The following COBL variants were observed in gnomAD, a reference collection of about 807,000 sequenced individuals.
The protein encoded by COBL is cordon-bleu WH2 repeat protein.
In COBL, 51 loss-of-function variants were observed where a neutral mutation model predicts 98.8. The ratio of observed to expected loss-of-function variants is 0.52; its 90% CI spans 0.41 to 0.65. COBL has a LOEUF of 0.65. Ranked by LOEUF, COBL falls within the 30% of genes least tolerant of loss-of-function variation. The pLI, the probability that COBL is intolerant of heterozygous loss-of-function variation, is 0.00. For missense variants in COBL, 1,617 were observed against 1,617.5 expected (o/e 1.00, Z 0.01); for synonymous variants, 634 against 651.7 (o/e 0.97, Z 0.41).
At chr7:51,146,477 C>T (rs1202211342) in intron 5 of COBL, among the ~76,000 whole-genome samples, 1 of 152,160 alleles carries the variant, frequency 6.6e-6, no homozygotes, top group Non-Finnish European at 1.5e-5. Context: ...TCTTGGCAAT[C>T]TTGTCATTTA....
chr7:51,265,350 G>A (rs1293252536), intron 1 of COBL, among the ~76,000 whole-genome samples: 2 of 152,098 alleles, frequency 1.3e-5, no homozygotes, highest in Non-Finnish European at 2.9e-5. Context: ...CAGAGCAGGG[G>A]CTGTTCCCCA....
intron 1 of COBL, among the ~76,000 whole-genome samples, chr7:51,252,453 T>C (rs1256788125): frequency 6.6e-6 from 1 of 152,198 alleles, no homozygotes; most frequent in Non-Finnish European, 1.5e-5. Flanking sequence ...TTGCCTGTTC[T>C]GGACATTTCA....
At chr7:51,140,055 T>C (rs1799590502) in intron 5 of COBL, among the ~76,000 whole-genome samples, 1 of 152,174 alleles carries the variant, frequency 6.6e-6, no homozygotes, top group South Asian at 2.1e-4. Flanking sequence ...TCACCAAAGG[T>C]TGGCACCAAA....
rs951405390 is a variant in COBL at position 51,213,426 on chromosome 7, T to C, written c.245+6315A>G. Among the ~76,000 whole-genome samples the C allele has an allele frequency of 4.6e-5, 7 of 152,324 alleles. No individual in the cohort carries two copies. The East Asian group carries it at 7.7e-4, about 17-fold the overall frequency. On this transcript the variant is annotated intron_variant, in intron 2 of 12. Transcript: ENST00000265136. ...GAACCTAGTGATACACATAATGCGC[T>C]TGAATCATCCCGAAGCCATCCCCAG...
chr7:51,161,696 AATGC>A (rs1198058955), intron 5 of COBL, among the ~76,000 whole-genome samples: 27 of 152,344 alleles, frequency 1.8e-4, no homozygotes, highest in African/African-American at 6.3e-4. Flanking sequence ...GGTATCAAGA[AATGC>A]AGAGATATCT....
intron 1 of COBL, 110 bp from the exon 2 acceptor site, chr7:51,220,054 T>A (rs1370557659): frequency 2.8e-5 from 26 of 943,852 alleles, no homozygotes; most frequent in Non-Finnish European, 4.1e-5. Flanking sequence ...ACCTTCCAAG[T>A]GCCACGGCCT....
chr7:51,271,659 G>C (rs1798773408), intron 1 of COBL, among the ~76,000 whole-genome samples: 1 of 152,130 alleles, frequency 6.6e-6, no homozygotes, highest in South Asian at 2.1e-4. Context: ...ACTGAGGAGG[G>C]AAAAAACTCA....
intron 1 of COBL, among the ~76,000 whole-genome samples, chr7:51,275,181 C>A: frequency 6.6e-6 from 1 of 152,220 alleles, no homozygotes; most frequent in African/African-American, 2.4e-5. Flanking sequence ...GTCACCCCTG[C>A]GGGCTGGAGG....
intron 1 of COBL, among the ~76,000 whole-genome samples, chr7:51,287,552 C>G (rs1417095093): frequency 1.3e-5 from 2 of 152,192 alleles, no homozygotes; most frequent in Non-Finnish European, 2.9e-5. Context: ...GGTACAGACA[C>G]TCTGGGAAAC....
rs1049320500 is a variant in COBL at position 51,316,542 on chromosome 7, C to A, written c.41+51G>T. ...AGCGCGCGGTGCGGACGCGGGCGTC[C>A]GAGCCCAGGGAAGCCCCCTCTCCAC... is the stretch of plus-strand genomic sequence containing the variant. On this transcript the variant is annotated intron_variant, in intron 1 of 12. Transcript: ENST00000265136. 73 of 1,197,448 alleles carry A rather than the reference C, an allele frequency of 6.1e-5. No homozygotes were observed. The African/African-American group carries it at 1.0e-3, about 17-fold the overall frequency. The allele number at this position is 1,197,448 out of a possible 1,614,324, so 74.2% of individuals were successfully genotyped here. A position where few individuals can be genotyped will look rare whatever the true frequency, so the allele number is the denominator to read the frequency against.
intron 10 of COBL, 34 bp from the exon 11 acceptor site, chr7:51,026,699 G>C: frequency 6.2e-7 from 1 of 1,601,548 alleles, no homozygotes; most frequent in South Asian, 1.1e-5. Flanking sequence ...ATTTCACTGA[G>C]AACATGGAGA....
intron 6 of COBL, among the ~76,000 whole-genome samples, chr7:51,125,586 C>T (rs545379837): frequency 5.3e-5 from 8 of 152,152 alleles, no homozygotes; most frequent in Non-Finnish European, 1.2e-4. Context: ...GTCATGGAGC[C>T]GGGCAATCAC....
chr7:51,213,809 G>A (rs1792719835), intron 2 of COBL, among the ~76,000 whole-genome samples: 1 of 152,098 alleles, frequency 6.6e-6, no homozygotes, highest in Admixed American at 6.5e-5. Flanking sequence ...TCAGACCTCA[G>A]AGAGTTGGCC....
Position 51,084,359 on chromosome 7 carries a change from C to T in COBL, c.1096+807G>A, listed in dbSNP as rs552855217. On this transcript the variant is annotated intron_variant, in intron 7 of 12. Transcript: ENST00000265136. The stretch of plus-strand genomic sequence containing the variant: ...GGCCTGTGAGTGCTGGTGGCTTCGT[C>T]GTGAGCACTGACACACGCCATTCTT... Among the ~76,000 whole-genome samples, 17 of 152,140 alleles carry T rather than the reference C, an allele frequency of 1.1e-4. No individual in the cohort carries two copies. The South Asian group carries it at 2.1e-3, about 19-fold the overall frequency.
intron 1 of COBL, among the ~76,000 whole-genome samples, chr7:51,253,225 TAATA>T (rs1266645468): frequency 6.6e-6 from 1 of 152,038 alleles, no homozygotes; most frequent in Admixed American, 6.6e-5. Flanking sequence ...CTCAAAAAAA[TAATA>T]AATAAATAAA....
intron 1 of COBL, among the ~76,000 whole-genome samples, chr7:51,262,620 C>A (rs760495101): frequency 3.3e-5 from 5 of 152,300 alleles, no homozygotes; most frequent in Middle Eastern, 3.4e-3. Flanking sequence ...AGGGTGCTGG[C>A]GGCAACATTC....
Position 51,043,430 on chromosome 7 carries a change from C to T in COBL, c.1359G>A (p.Gln453=). The part of the protein sequence containing the change: ...DLAGTPDLGP[Q]KSPLWEKNGS... The stretch of plus-strand genomic sequence containing the variant: ...CATTCTTCTCCCACAAGGGGCTCTT[C>T]TGGGGACCCAGGTCTGGGGTTCCAG... Residue 453 remains glutamine, a synonymous_variant, in exon 8 of 13, where the codon CAG becomes CAA. Coordinates refer to ENST00000265136, the MANE Select transcript of COBL (RefSeq NM_015198.5). 1 of 1,614,224 alleles carries T rather than the reference C, an allele frequency of 6.2e-7. No individual in the cohort carries two copies. The highest frequency in any genetic ancestry group is 8.5e-7 in the Non-Finnish European group (1 of 1,180,046).
At chr7:51,062,774 C>G (rs1282893218) in intron 7 of COBL, among the ~76,000 whole-genome samples, 2 of 152,198 alleles carry the variant, frequency 1.3e-5, no homozygotes, top group Non-Finnish European at 2.9e-5. Flanking sequence ...TGCCTGCCAG[C>G]ACCAGGGACT....
intron 5 of COBL, among the ~76,000 whole-genome samples, chr7:51,146,314 C>T (rs956325217): frequency 6.6e-6 from 1 of 152,174 alleles, no homozygotes; most frequent in Non-Finnish European, 1.5e-5. Context: ...CTCCTTGGGG[C>T]TCCCTTGCCA....
Sources: allele counts gnomAD v4.1 joint callset (sites outside exome capture counted in the v4.1 genomes callset), GRCh38; gene constraint gnomAD v4.1.1; transcripts MANE v1.5; gene names NCBI Gene and HGNC (gene_info 2026-07-23, HGNC 2026-07-21).